The following SLC9A1 variants were observed in gnomAD, a reference collection of about 807,000 sequenced individuals.
SLC9A1 encodes sodium/hydrogen exchanger 1.
A neutral mutation model predicts 67.9 loss-of-function variants in SLC9A1; 22 were observed. The observed-to-expected ratio is 0.32, with a 90% CI of 0.23 to 0.46. The LOEUF (loss-of-function observed/expected upper bound fraction) is 0.46, where lower values mean the gene tolerates loss of function less well. Ranked by LOEUF, SLC9A1 falls within the 20% of genes least tolerant of loss-of-function variation. The pLI, the probability that SLC9A1 is intolerant of heterozygous loss-of-function variation, is 1.00. For synonymous variants in SLC9A1, 421 were observed against 471.8 expected, an observed-to-expected ratio of 0.89 and a Z score of 1.40; for missense variants, 686 against 1,094.8, an observed-to-expected ratio of 0.63 and a Z score of 5.27.
chr1:27,134,800 A>G (rs761613025), intron 1 of SLC9A1, among the ~76,000 whole-genome samples: 4 of 152,328 alleles, frequency 2.6e-5, no homozygotes, highest in African/African-American at 9.6e-5. Context: ...GCAGTGGTAC[A>G]ATCTCGGCTC....
chr1:27,134,525 A>G (rs552739538), intron 1 of SLC9A1, among the ~76,000 whole-genome samples: 1 of 152,256 alleles, frequency 6.6e-6, no homozygotes, highest in African/African-American at 2.4e-5. Flanking sequence ...ACAGGGAGCA[A>G]CAGAGCCAAG....
In SLC9A1 at chr1:27,137,076, G is replaced by A. The variant is rs934681804; in HGVS notation, c.352+16907C>T. On this transcript the variant is annotated intron_variant, in intron 1 of 11. Transcript: ENST00000263980. The surrounding 1 kb of genome is among the most constrained non-coding windows in gnomAD (Gnocchi z 4.6). ...CACCTGCAACGTGCTGTGTCCCTGC[G>A]GCACTTCAGCCTGCCTTGTGTTTTA... Among the ~76,000 whole-genome samples the A allele has an allele frequency of 4.6e-5, 7 of 152,226 alleles. No homozygotes were observed. Among genetic ancestry groups the A allele is most frequent in the African/African-American group, 1.4e-4 (6 of 41,454 alleles).
rs748221464 is a variant in SLC9A1, at chr1:27,154,217, T to C, written c.118A>G (p.Ser40Gly). The change falls in exon 1 of 12, where the codon AGC becomes GGC. Residue 40 changes from serine (S) to glycine (G), a missense_variant. Coordinates refer to ENST00000263980, the MANE Select transcript of SLC9A1 (RefSeq NM_003047.5). ...CTTCGAATGGTGCTGGCAGTTGGGC[T>C]GAGCTGGAGGCCATGGCTCCTGAGA... ...PVLRSHGLQL[S>G]PTASTIRSSE... is the part of the protein sequence containing the mutation. 1 of 1,613,976 alleles carries C rather than the reference T, an allele frequency of 6.2e-7. No individual in the cohort carries two copies. Among genetic ancestry groups the C allele is most frequent in the African/African-American group, 1.3e-5 (1 of 74,906 alleles).
At position 27,114,207 on chromosome 1, in the gene SLC9A1, GC is replaced by G. The variant is rs1324201794; in HGVS notation, c.431del (p.Gly144AlafsTer2). 1 of 1,614,048 alleles carries G rather than the reference GC, an allele frequency of 6.2e-7. No homozygotes were observed. Among genetic ancestry groups the G allele is most frequent in the Non-Finnish European group, 8.5e-7 (1 of 1,179,966 alleles). ...GTGTCTCGCCTACACCCTTGATCAG[GC>G]CCCCCACCAGCAGCCCCACCACGAT... ...LLIVVGLLVG[G>X]LIKGVGETPP... On this transcript the variant is annotated frameshift_variant, in exon 2 of 12. Coordinates refer to ENST00000263980, the MANE Select transcript of SLC9A1 (RefSeq NM_003047.5). LOFTEE classifies it high-confidence loss of function. This position sits in a 1 kb window ranked among gnomAD's most constrained non-coding sequence, Gnocchi z 5.4.
chr1:27,123,033 T>C (rs1213244175), intron 1 of SLC9A1, among the ~76,000 whole-genome samples: 1 of 151,950 alleles, frequency 6.6e-6, no homozygotes, highest in Non-Finnish European at 1.5e-5. Flanking sequence ...GGGTCGGCTT[T>C]ACTTGGGGCA....
chr1:27,126,770 CAT>C (rs1420738150), intron 1 of SLC9A1, among the ~76,000 whole-genome samples: 1 of 152,174 alleles, frequency 6.6e-6, no homozygotes, highest in Non-Finnish European at 1.5e-5. Flanking sequence ...GGGCAGAAGT[CAT>C]GTCTGGTTTA....
intron 8 of SLC9A1, 38 bp from the exon 9 acceptor site, chr1:27,102,168 T>G (rs979271246): frequency 6.4e-7 from 1 of 1,551,136 alleles, no homozygotes. Context: ...CCCAAGATTC[T>G]TGGGATCCTG....
At position 27,140,060 on chromosome 1, in the gene SLC9A1, C is replaced by T. The variant is rs112371547; in HGVS notation, c.352+13923G>A. Reference sequence around the variant, plus strand: ...CGCCCATCTCAGCCTCCCAAAGTGCCGGGATTACAGGTGTGAGCCACCGCA... The same window carrying T: ...CGCCCATCTCAGCCTCCCAAAGTGCTGGGATTACAGGTGTGAGCCACCGCA... On this transcript the variant is annotated intron_variant, in intron 1 of 11. Transcript: ENST00000263980. Among the ~76,000 whole-genome samples the T allele has an allele frequency of 8.1e-3, 1,234 of 151,878 alleles. 18 individuals are homozygous for T. Among genetic ancestry groups the T allele is most frequent in the African/African-American group, 0.028 (1,143 of 41,438 alleles).
At position 27,102,226 on chromosome 1, in the gene SLC9A1, G is replaced by C. The variant is rs1047245262; in HGVS notation, c.1821-96C>G. The C allele has an allele frequency of 5.8e-5, 78 of 1,337,998 alleles. No homozygotes were observed. In the African/African-American group the frequency reaches 1.0e-3, roughly 18 times the overall value. 82.9% of individuals were successfully genotyped at this position (1,337,998 alleles called of 1,614,324 possible). ...AGGAAGTCACCCTAGGGATGACCCA[G>C]GTGGGCGCCAAAGCCTCAGGTCCTT... On this transcript the variant is annotated intron_variant, in intron 8 of 11. Coordinates refer to ENST00000263980, the MANE Select transcript of SLC9A1 (RefSeq NM_003047.5).
intron 1 of SLC9A1, among the ~76,000 whole-genome samples, chr1:27,142,682 T>C (rs2083459869): frequency 6.6e-6 from 1 of 152,214 alleles, no homozygotes; most frequent in South Asian, 2.1e-4. Flanking sequence ...GGGCTCACCA[T>C]GGCAACCCAG....
intron 1 of SLC9A1, among the ~76,000 whole-genome samples, chr1:27,133,866 GC>G (rs1199902555): frequency 2.0e-5 from 3 of 151,442 alleles, no homozygotes; most frequent in Admixed American, 6.6e-5. Flanking sequence ...CCCAGTTCAA[GC>G]AATTCTCCTG....
intron 3 of SLC9A1, among the ~76,000 whole-genome samples, chr1:27,108,979 TG>T (rs938127327): frequency 1.2e-4 from 18 of 152,128 alleles, no homozygotes; most frequent in Non-Finnish European, 2.5e-4. Flanking sequence ...GCTCTGCTCC[TG>T]GGAGCCAGGG....
chr1:27,130,412 GTCTT>G (rs1268170562), intron 1 of SLC9A1, among the ~76,000 whole-genome samples: 15 of 152,236 alleles, frequency 9.9e-5, no homozygotes, highest in Admixed American at 5.2e-4. Flanking sequence ...TAAACTGCTG[GTCTT>G]TCTAAGATCC....
intron 1 of SLC9A1, among the ~76,000 whole-genome samples, chr1:27,142,835 A>C (rs2083460692): frequency 6.6e-6 from 1 of 152,056 alleles, no homozygotes; most frequent in African/African-American, 2.4e-5. Flanking sequence ...CTCAGGACAC[A>C]GCTTACTCAC....
At chr1:27,120,434 CT>C (rs960452243) in intron 1 of SLC9A1, among the ~76,000 whole-genome samples, 1 of 150,922 alleles carries the variant, frequency 6.6e-6, no homozygotes, top group African/African-American at 2.4e-5. Flanking sequence ...CCAAATAATA[CT>C]TTTTTTAAAA....
intron 1 of SLC9A1, among the ~76,000 whole-genome samples, chr1:27,134,068 C>T (rs2083403774): frequency 6.6e-6 from 1 of 152,074 alleles, no homozygotes; most frequent in African/African-American, 2.4e-5. Flanking sequence ...CGGCCTGAGC[C>T]CTGGACATTT....
chr1:27,146,915 C>G (rs530869928), intron 1 of SLC9A1, among the ~76,000 whole-genome samples: 17 of 152,158 alleles, frequency 1.1e-4, no homozygotes, highest in African/African-American at 4.1e-4. Flanking sequence ...ACGGGCAGAT[C>G]GCCTGAGGTC....
In SLC9A1 at chr1:27,154,093, T is replaced by C. The variant is rs747261069; in HGVS notation, c.242A>G (p.His81Arg). ...SRPVNHSVTDHGMKPRKAFPV... is the reference protein window; with the variant it reads ...SRPVNHSVTDRGMKPRKAFPV... The stretch of plus-strand genomic sequence containing the variant: ...AAAGGCCTTGCGCGGCTTCATGCCA[T>C]GATCAGTGACGGAATGATTAACAGG... The change falls in exon 1 of 12, where the codon CAT becomes CGT. Residue 81 changes from histidine to arginine, a missense_variant. This residue lies in a region of SLC9A1 where 143 missense variants were observed against 166.7 expected (regional missense o/e 0.86). Transcript: ENST00000263980. 6.2e-7 allele frequency: 1 copy of C among 1,613,980 alleles called. No individual in the cohort carries two copies. Among genetic ancestry groups the C allele is most frequent in the Non-Finnish European group, 8.5e-7 (1 of 1,179,940 alleles).
chr1:27,147,316 A>G (rs1433875143), intron 1 of SLC9A1, among the ~76,000 whole-genome samples: 2 of 149,816 alleles, frequency 1.3e-5, no homozygotes, highest in African/African-American at 4.9e-5. Flanking sequence ...AAAAAAAAAA[A>G]AAAAAGAAAA....
Sources: allele counts gnomAD v4.1 joint callset (sites outside exome capture counted in the v4.1 genomes callset), GRCh38; gene constraint gnomAD v4.1.1; regional missense constraint gnomAD v4.1.1; non-coding constraint Gnocchi (gnomAD v3.1); transcripts MANE v1.5; gene names NCBI Gene and HGNC (gene_info 2026-07-23, HGNC 2026-07-21).